KLHL13: variants seen among roughly 807,000 people sequenced by gnomAD.
The protein encoded by KLHL13 is kelch-like protein 13.
A neutral mutation model predicts 37.1 loss-of-function variants in KLHL13; 10 were observed. The observed-to-expected ratio is 0.27, with a 90% CI of 0.17 to 0.46. The LOEUF is 0.46. Ranked by LOEUF, KLHL13 falls within the 20% of genes least tolerant of loss-of-function variation. The pLI is 1.00. For missense variants in KLHL13, 360 were observed against 509.3 expected, an observed-to-expected ratio of 0.71 and a Z score of 2.82; for synonymous variants, 163 against 181.2, an observed-to-expected ratio of 0.90 and a Z score of 0.81.
intron 1 of KLHL13, among the ~76,000 whole-genome samples, chrX:117,962,810 A>T (rs983235565): frequency 5.4e-5 from 6 of 111,990 alleles, no homozygotes; most frequent in African/African-American, 1.6e-4. Flanking sequence ...GTGGCCCTAA[A>T]TCTGAATTTT....
At chrX:117,947,055 A>G (rs1006651281) in intron 1 of KLHL13, 2 of 112,254 alleles carry the variant, frequency 1.8e-5, no homozygotes, top group African/African-American at 6.5e-5. Flanking sequence ...AAAAAGCATA[A>G]AAGAAACTGG....
chrX:118,068,943 C>T (rs1172507570), intron 1 of KLHL13, among the ~76,000 whole-genome samples: 1 of 110,927 alleles, frequency 9.0e-6, no homozygotes, highest in African/African-American at 3.3e-5. Context: ...TGAGGCTGCG[C>T]AGTCCCTCCT....
chrX:118,052,609 T>C (rs1281183213), intron 1 of KLHL13, among the ~76,000 whole-genome samples: 1 of 105,568 alleles, frequency 9.5e-6, no homozygotes, highest in Non-Finnish European at 1.9e-5. Context: ...GGGCAGATCA[T>C]GAGGTCAGGA....
chrX:117,930,286 A>AGGCAGGCAGGCAGGC (rs1366111839), intron 2 of KLHL13, among the ~76,000 whole-genome samples: 31 of 89,322 alleles, frequency 3.5e-4, no homozygotes, highest in African/African-American at 1.4e-3. Context: ...GGAAGGAAGG[A>AGGCAGGCAGGCAGGC]AGGAAGGCAG....
chrX:117,936,103 C>T (rs1314713520), intron 2 of KLHL13, among the ~76,000 whole-genome samples: 1 of 111,393 alleles, frequency 9.0e-6, no homozygotes, highest in African/African-American at 3.3e-5. Flanking sequence ...TGCTGACAAC[C>T]TGGAATAATA....
chrX:118,073,328 AAG>A (rs1190241603), intron 1 of KLHL13, among the ~76,000 whole-genome samples: 1 of 110,991 alleles, frequency 9.0e-6, no homozygotes, highest in Non-Finnish European at 1.9e-5. Context: ...AGCAGGCAAA[AAG>A]AGAGCTTGTG....
intron 1 of KLHL13, among the ~76,000 whole-genome samples, chrX:117,997,670 A>G (rs1449147799): frequency 8.9e-6 from 1 of 111,962 alleles, no homozygotes; most frequent in African/African-American, 3.2e-5. Context: ...TCAAGGTCAG[A>G]TGATTCTCCT....
chrX:117,986,203 G>C lies in KLHL13; in HGVS notation c.-55-40628C>G, dbSNP rs373210032. On this transcript the variant is annotated intron_variant, in intron 1 of 6. Transcript: ENST00000371882. ...AAGCCTAGCATTCTACAGCAGCAGA[G>C]GAATAACAAAAATTCCGTTGCAACT... is the stretch of plus-strand genomic sequence containing the variant. 1.7e-4 allele frequency among the ~76,000 whole-genome samples: 19 copies of C among 110,999 alleles called. No individual in the cohort carries two copies. The East Asian group carries it at 5.1e-3, about 30-fold the overall frequency.
chrX:118,055,834 C>T (rs751613763), intron 1 of KLHL13, among the ~76,000 whole-genome samples: 1 of 111,724 alleles, frequency 9.0e-6, no homozygotes, highest in South Asian at 3.8e-4. Flanking sequence ...ACATTAGATG[C>T]TTGCCCCCTA....
intron 1 of KLHL13, among the ~76,000 whole-genome samples, chrX:117,997,414 T>C (rs1382514699): frequency 8.9e-6 from 1 of 112,007 alleles, no homozygotes; most frequent in African/African-American, 3.2e-5. Flanking sequence ...AGCAACATAA[T>C]GTTCTATCTT....
chrX:118,112,814 A>C (rs2148195525), intron 1 of KLHL13, among the ~76,000 whole-genome samples: 1 of 111,953 alleles, frequency 8.9e-6, no homozygotes, highest in East Asian at 2.8e-4. Flanking sequence ...TAGGGCAATA[A>C]ATTCATTTAA....
At chrX:118,110,980 C>T (rs1244066204) in intron 1 of KLHL13, among the ~76,000 whole-genome samples, 7 of 112,097 alleles carry the variant, frequency 6.2e-5, no homozygotes, top group African/African-American at 2.3e-4. Context: ...CACAGCCAGT[C>T]CTCTATTTAC....
At chrX:118,053,328 ATGTCCTT>A (rs1344463950) in intron 1 of KLHL13, among the ~76,000 whole-genome samples, 1 of 112,029 alleles carries the variant, frequency 8.9e-6, no homozygotes, top group African/African-American at 3.3e-5. Context: ...TGATGAGTTC[ATGTCCTT>A]TGTAGGAACA....
chrX:118,097,089 C>T (rs1484872176), intron 1 of KLHL13, among the ~76,000 whole-genome samples: 148 of 110,928 alleles, frequency 1.3e-3, no homozygotes, highest in African/African-American at 3.1e-3. Flanking sequence ...GGCAATCAGG[C>T]AGGAGAAGGA....
intron 1 of KLHL13, among the ~76,000 whole-genome samples, chrX:118,076,331 ATT>A (rs748327565): frequency 8.9e-6 from 1 of 111,990 alleles, no homozygotes; most frequent in South Asian, 3.7e-4. Flanking sequence ...AAGATAAATT[ATT>A]ATACACAATT....
intron 5 of KLHL13, among the ~76,000 whole-genome samples, chrX:117,908,165 A>G (rs984540155): frequency 9.2e-6 from 1 of 108,295 alleles, no homozygotes; most frequent in Non-Finnish European, 1.9e-5. Context: ...GACTACAGGC[A>G]TGAGCCACAT....
At chrX:118,038,050 G>A (rs2054469304) in intron 1 of KLHL13, among the ~76,000 whole-genome samples, 1 of 112,293 alleles carries the variant, frequency 8.9e-6, no homozygotes, top group South Asian at 3.7e-4. Flanking sequence ...ATTGAAAAAA[G>A]GAGAACAATT....
intron 1 of KLHL13, among the ~76,000 whole-genome samples, chrX:118,037,047 C>T (rs1253610257): frequency 1.1e-5 from 1 of 92,129 alleles, no homozygotes. Context: ...CAATGAGATA[C>T]CATCTCACAC....
chrX:117,903,236 TTCA>T (rs1301072375), intron 5 of KLHL13, among the ~76,000 whole-genome samples: 1 of 108,790 alleles, frequency 9.2e-6, no homozygotes, highest in Non-Finnish European at 1.9e-5. Flanking sequence ...ATAATTTCAT[TTCA>T]TCATCAAATT....
Sources: gnomAD v4.1 joint callset for allele counts (sites outside exome capture counted in the v4.1 genomes callset) on GRCh38, gnomAD v4.1.1 for gene constraint, MANE v1.5 for transcripts, NCBI Gene and HGNC (gene_info 2026-07-23, HGNC 2026-07-21) for gene names.